SLC24A2: variants seen among roughly 807,000 people sequenced by gnomAD.
The protein encoded by SLC24A2 is sodium/potassium/calcium exchanger 2.
SLC24A2 carries 36 observed loss-of-function variants against 62.0 expected under a neutral mutation model. The ratio of observed to expected loss-of-function variants is 0.58; its 90% CI spans 0.44 to 0.77. The LOEUF is 0.77. SLC24A2 is among the 30% of genes least tolerant of loss of function. SLC24A2 has a pLI of 0.00. For synonymous variants in SLC24A2, 358 were observed against 294.0 expected, an observed-to-expected ratio of 1.22 and a Z score of -2.23; for missense variants, 846 against 817.9, an observed-to-expected ratio of 1.03 and a Z score of -0.42.
chr9:20,201,003 G>C, the SLC24A2 span, among the ~76,000 whole-genome samples: 1 of 152,164 alleles, frequency 6.6e-6, no homozygotes, highest in Non-Finnish European at 1.5e-5. Flanking sequence ...ATTATTCCAA[G>C]GTCCTTTAAC....
At chr9:20,130,133 G>A in the SLC24A2 span, among the ~76,000 whole-genome samples, 10 of 151,928 alleles carry the variant, frequency 6.6e-5, no homozygotes, top group African/African-American at 2.4e-4. Context: ...TATAAGACTA[G>A]CTAATAATTG....
the SLC24A2 span, among the ~76,000 whole-genome samples, chr9:20,185,678 A>G: frequency 4.6e-5 from 7 of 151,520 alleles, no homozygotes; most frequent in Non-Finnish European, 7.4e-5. Flanking sequence ...AAAAAAAAAA[A>G]AAGAAAAGAA....
the SLC24A2 span, among the ~76,000 whole-genome samples, chr9:20,192,567 C>T: frequency 3.3e-5 from 5 of 152,118 alleles, no homozygotes; most frequent in African/African-American, 1.2e-4. Context: ...CAGATAGAGC[C>T]CTGGAATGTA....
chr9:20,171,746 C>A, the SLC24A2 span, among the ~76,000 whole-genome samples: 93,178 of 151,722 alleles, frequency 0.61, 29,379 homozygotes, highest in East Asian at 0.79. Context: ...AAGAAATGAG[C>A]TAGCAACACA....
the SLC24A2 span, among the ~76,000 whole-genome samples, chr9:20,138,192 C>T: frequency 1.2e-3 from 189 of 152,260 alleles, 1 homozygote; most frequent in African/African-American, 4.4e-3. Context: ...TCAAAGATGG[C>T]TGGTAAAACT....
the SLC24A2 span, among the ~76,000 whole-genome samples, chr9:20,280,889 G>A: frequency 6.6e-6 from 1 of 152,286 alleles, no homozygotes; most frequent in African/African-American, 2.4e-5. Context: ...AGGGAGGCCT[G>A]GAGCCACCAG....
the SLC24A2 span, among the ~76,000 whole-genome samples, chr9:20,255,459 A>T: frequency 6.6e-6 from 1 of 152,196 alleles, no homozygotes; most frequent in Non-Finnish European, 1.5e-5. Flanking sequence ...GCAGTTTGGG[A>T]AGAACTCACA....
the SLC24A2 span, among the ~76,000 whole-genome samples, chr9:19,990,260 C>T: frequency 1.3e-5 from 2 of 152,050 alleles, no homozygotes; most frequent in Non-Finnish European, 2.9e-5. Context: ...TAGTCTCCCC[C>T]TTATCCATGG....
chr9:19,828,923 T>C, the SLC24A2 span, among the ~76,000 whole-genome samples: 1 of 152,056 alleles, frequency 6.6e-6, no homozygotes, highest in Admixed American at 6.6e-5. Flanking sequence ...TGGGGCTATT[T>C]TAACAAGTTC....
At chr9:19,984,648 G>C in the SLC24A2 span, among the ~76,000 whole-genome samples, 1 of 152,038 alleles carries the variant, frequency 6.6e-6, no homozygotes, top group African/African-American at 2.4e-5. Context: ...AGAAGTTGCA[G>C]TGAGCTGAGA....
At chr9:19,994,192 G>C in the SLC24A2 span, among the ~76,000 whole-genome samples, 184 of 152,218 alleles carry the variant, frequency 1.2e-3, 1 homozygote, top group Non-Finnish European at 1.7e-3. Flanking sequence ...AATCTCCTTC[G>C]TCAGGGAAAG....
chr9:20,281,453 A>G, the SLC24A2 span, among the ~76,000 whole-genome samples: 1 of 152,210 alleles, frequency 6.6e-6, no homozygotes, highest in African/African-American at 2.4e-5. Context: ...CCAGCACCTC[A>G]GAAACTTCCA....
intron 2 of SLC24A2, among the ~76,000 whole-genome samples, chr9:19,727,842 A>G (rs1250443435): frequency 6.6e-6 from 1 of 152,174 alleles, no homozygotes; most frequent in African/African-American, 2.4e-5. Context: ...TTTGAAAATC[A>G]GAAACTACAA....
At chr9:19,728,012 G>C (rs1821222716) in intron 2 of SLC24A2, among the ~76,000 whole-genome samples, 1 of 152,146 alleles carries the variant, frequency 6.6e-6, no homozygotes, top group Non-Finnish European at 1.5e-5. Flanking sequence ...CAAGTGAAAT[G>C]GCTGAGGCTC....
At chr9:20,285,827 C>A in the SLC24A2 span, among the ~76,000 whole-genome samples, 4 of 152,094 alleles carry the variant, frequency 2.6e-5, no homozygotes, top group African/African-American at 9.7e-5. Context: ...CAGAGAGACA[C>A]CAAGGAAGGG....
At chr9:19,945,006 T>C in the SLC24A2 span, among the ~76,000 whole-genome samples, 2 of 152,198 alleles carry the variant, frequency 1.3e-5, no homozygotes, top group African/African-American at 4.8e-5. Flanking sequence ...ACATCTCTTT[T>C]GTGCATACAG....
chr9:19,833,607 G>C, the SLC24A2 span, among the ~76,000 whole-genome samples: 1 of 152,228 alleles, frequency 6.6e-6, no homozygotes, highest in African/African-American at 2.4e-5. Context: ...GCCCACCACA[G>C]CTCAAGGAGG....
At chr9:20,075,973 C>G in the SLC24A2 span, among the ~76,000 whole-genome samples, 2 of 152,128 alleles carry the variant, frequency 1.3e-5, no homozygotes, top group South Asian at 4.1e-4. Flanking sequence ...TAAATCATCT[C>G]TAGATTACTT....
chr9:20,044,509 C>T, the SLC24A2 span, among the ~76,000 whole-genome samples: 8 of 152,008 alleles, frequency 5.3e-5, no homozygotes, highest in Non-Finnish European at 1.0e-4. Flanking sequence ...TGTGGAGTTA[C>T]CGCTCATTCC....
Sources: gnomAD v4.1 joint callset for allele counts (sites outside exome capture counted in the v4.1 genomes callset) on GRCh38, gnomAD v4.1.1 for gene constraint, MANE v1.5 for transcripts, NCBI Gene and HGNC (gene_info 2026-07-23, HGNC 2026-07-21) for gene names.